The following COL24A1 variants were observed in gnomAD, a reference collection of about 807,000 sequenced individuals.
The protein encoded by COL24A1 is collagen alpha-1(XXIV) chain.
COL24A1 carries 224 observed loss-of-function variants against 253.9 expected under a neutral mutation model. The observed-to-expected ratio is 0.88, with a 90% confidence interval of 0.79 to 0.99. The LOEUF (loss-of-function observed/expected upper bound fraction) is 0.99. Among genes scored for constraint, COL24A1 ranks in the 50% least tolerant of loss-of-function variants. The pLI, the probability that COL24A1 is intolerant of heterozygous loss-of-function variation, is 0.00. For missense variants in COL24A1, 2,131 were observed against 2,068.5 expected, an observed-to-expected ratio of 1.03 and a Z score of -0.59; for synonymous variants, 685 against 673.7, an observed-to-expected ratio of 1.02 and a Z score of -0.26.
intron 53 of COL24A1, among the ~76,000 whole-genome samples, chr1:85,774,687 G>T (rs1038512687): frequency 1.3e-5 from 2 of 151,974 alleles, no homozygotes; most frequent in African/African-American, 4.8e-5. Flanking sequence ...CTCTGTTAGT[G>T]GTTTGTATTT....
rs1484341983 is a variant in COL24A1 at position 85,870,025 on chromosome 1, A to C, written c.3139-1190T>G. 2.6e-5 allele frequency among the ~76,000 whole-genome samples: 4 copies of C among 152,160 alleles called. No individual in the cohort carries two copies. In the South Asian group the frequency reaches 8.3e-4, roughly 32 times the overall value. On this transcript the variant is annotated intron_variant, in intron 35 of 59. Transcript: ENST00000370571. ...AAGATCTACCAAGCAAATGGAAAAC[A>C]AAAAAAGGCAGGGGTTGCAATCCTA...
At chr1:85,756,418 CA>C (rs553127564) in intron 55 of COL24A1, among the ~76,000 whole-genome samples, 4,242 of 145,130 alleles carry the variant, frequency 0.029, 68 homozygotes, top group Middle Eastern at 0.043. Flanking sequence ...GAGTCTGTCT[CA>C]AAAAAAAAAA....
At chr1:86,027,806 A>G (rs1053903647) in intron 14 of COL24A1, among the ~76,000 whole-genome samples, 20 of 152,144 alleles carry the variant, frequency 1.3e-4, no homozygotes, top group African/African-American at 4.8e-4. Flanking sequence ...AACAGCTTGC[A>G]CCATTCACCT....
At chr1:85,933,238 TTACTC>T (rs1687954310) in intron 24 of COL24A1, among the ~76,000 whole-genome samples, 1 of 152,164 alleles carries the variant, frequency 6.6e-6, no homozygotes, top group African/African-American at 2.4e-5. Flanking sequence ...GGTTGCAAAA[TTACTC>T]TATTCAGTAT....
At chr1:85,773,723 A>G (rs1419484125) in intron 53 of COL24A1, among the ~76,000 whole-genome samples, 1 of 152,202 alleles carries the variant, frequency 6.6e-6, no homozygotes, top group Non-Finnish European at 1.5e-5. Flanking sequence ...ATGATTTTGT[A>G]TCCTGAGACT....
At chr1:85,827,430 GC>G (rs1674526270) in intron 43 of COL24A1, among the ~76,000 whole-genome samples, 1 of 151,666 alleles carries the variant, frequency 6.6e-6, no homozygotes. Flanking sequence ...TCAGGATGAT[GC>G]TGGCCTCATA....
At chr1:86,100,981 A>C (rs1704397667) in intron 5 of COL24A1, among the ~76,000 whole-genome samples, 1 of 152,062 alleles carries the variant, frequency 6.6e-6, no homozygotes, top group South Asian at 2.1e-4. Flanking sequence ...TTCTAGTAAA[A>C]TATTGAATCT....
At chr1:85,958,960 T>A (rs573613676) in intron 24 of COL24A1, among the ~76,000 whole-genome samples, 63 of 152,198 alleles carry the variant, frequency 4.1e-4, no homozygotes, top group African/African-American at 1.4e-3. Flanking sequence ...ACACACTCTA[T>A]CACAAATTGA....
At chr1:85,832,502 TA>T (rs1675426453) in intron 43 of COL24A1, among the ~76,000 whole-genome samples, 1 of 151,440 alleles carries the variant, frequency 6.6e-6, no homozygotes, top group African/African-American at 2.4e-5. Context: ...ATTGAATCTG[TA>T]AATTACCTTG....
intron 55 of COL24A1, among the ~76,000 whole-genome samples, chr1:85,759,870 C>T (rs926741777): frequency 1.3e-5 from 2 of 152,080 alleles, no homozygotes; most frequent in Non-Finnish European, 2.9e-5. Context: ...CTTTAATTTG[C>T]CAATGACGTA....
chr1:85,827,122 G>C (rs965001533), intron 43 of COL24A1, among the ~76,000 whole-genome samples: 52 of 152,282 alleles, frequency 3.4e-4, no homozygotes, highest in African/African-American at 1.2e-3. Flanking sequence ...TTAATGGAGA[G>C]TTTTTAGCAT....
Position 86,033,900 on chromosome 1 carries a change from G to T in COL24A1, c.1974C>A (p.Asp658Glu). 2.5e-6 allele frequency: 4 copies of T among 1,596,286 alleles called. No individual in the cohort carries two copies. Among genetic ancestry groups the T allele is most frequent in the Non-Finnish European group, 2.6e-6 (3 of 1,172,960 alleles). Residue 658 changes from aspartate to glutamate, a missense_variant, in exon 13 of 60, where the codon GAC becomes GAA. Asp to Glu is a conservative substitution (Grantham distance 45, BLOSUM62 2). Coordinates refer to ENST00000370571, the MANE Select transcript of COL24A1 (RefSeq NM_152890.7). ...GRQGFPGDFG[D>E]RGPAGLDGSP... The stretch of plus-strand genomic sequence containing the variant: ...TGCCATCAAGACCAGCAGGGCCTCT[G>T]TCTCCAAAGTCACCTGGAAAACCCT...
At chr1:85,804,855 C>CT (rs1002896976) in intron 47 of COL24A1, among the ~76,000 whole-genome samples, 248 of 143,184 alleles carry the variant, frequency 1.7e-3, no homozygotes, top group East Asian at 4.3e-3. Flanking sequence ...GGCAAATACT[C>CT]TTTTTTTTTT....
At chr1:85,882,484 C>A (rs1197723741) in intron 32 of COL24A1, among the ~76,000 whole-genome samples, 1 of 151,980 alleles carries the variant, frequency 6.6e-6, no homozygotes, top group Non-Finnish European at 1.5e-5. Context: ...AAACAAAAAA[C>A]AAAAAACACA....
At chr1:85,841,414 A>G (rs1400003476) in intron 41 of COL24A1, 136 bp from the exon 42 acceptor site, 1 of 590,994 alleles carries the variant, frequency 1.7e-6, no homozygotes, top group African/African-American at 1.9e-5. Context: ...CTTTGATGTA[A>G]GAAACTAAGC....
At position 85,913,999 on chromosome 1, in the gene COL24A1, C is replaced by A. The variant is rs76790516; in HGVS notation, c.2563-2566G>T. 2.4e-3 allele frequency among the ~76,000 whole-genome samples: 366 copies of A among 152,248 alleles called. 3 individuals carry two copies. Among genetic ancestry groups the A allele is most frequent in the African/African-American group, 8.6e-3 (357 of 41,548 alleles). Reference sequence around the variant, plus strand: ...CAGTAGATTCAGTATCTAGTGAGGGCCTGCTCCCTGGTTCATAGATGGCAG... The same window carrying A: ...CAGTAGATTCAGTATCTAGTGAGGGACTGCTCCCTGGTTCATAGATGGCAG... On this transcript the variant is annotated intron_variant, in intron 24 of 59. Coordinates refer to ENST00000370571, the MANE Select transcript of COL24A1 (RefSeq NM_152890.7).
intron 55 of COL24A1, among the ~76,000 whole-genome samples, chr1:85,759,212 A>G (rs985632106): frequency 6.6e-6 from 1 of 152,202 alleles, no homozygotes; most frequent in Non-Finnish European, 1.5e-5. Flanking sequence ...AAATTTCCTG[A>G]GATGTTGCCT....
At chr1:85,971,137 A>T (rs977845301) in intron 21 of COL24A1, among the ~76,000 whole-genome samples, 3 of 152,104 alleles carry the variant, frequency 2.0e-5, no homozygotes, top group Non-Finnish European at 4.4e-5. Context: ...GGAGCCCAGG[A>T]GGTCGAGGCT....
chr1:85,853,261 C>T (rs1443925841), intron 37 of COL24A1, among the ~76,000 whole-genome samples: 1 of 152,152 alleles, frequency 6.6e-6, no homozygotes, highest in Non-Finnish European at 1.5e-5. Context: ...AGGATAATGG[C>T]CTCCAGCTGC....
Sources: allele counts gnomAD v4.1 joint callset (sites outside exome capture counted in the v4.1 genomes callset), GRCh38; gene constraint gnomAD v4.1.1; transcripts MANE v1.5; gene names NCBI Gene and HGNC (gene_info 2026-07-23, HGNC 2026-07-21).